Variants in ERI3 observed in about 807,000 individuals in gnomAD.
ERI3 encodes ERI1 exoribonuclease family member 3, also known as ERI1 exoribonuclease 3.
Under a neutral mutation model 44.4 loss-of-function variants are expected in ERI3, and 18 were observed. The observed-to-expected ratio is 0.41, with a 90% CI of 0.28 to 0.60. ERI3 has a LOEUF of 0.60. Ranked by LOEUF, ERI3 falls within the 20% of genes least tolerant of loss-of-function variation. The pLI is 0.36. For missense variants in ERI3, 294 were observed against 435.5 expected (o/e 0.68, Z 2.89); for synonymous variants, 183 against 164.8 (o/e 1.11, Z -0.84).
intron 2 of ERI3, among the ~76,000 whole-genome samples, chr1:44,342,834 T>TATATATATATATATATATATAA (rs1646694998): frequency 2.7e-4 from 6 of 22,242 alleles, no homozygotes; most frequent in Non-Finnish European, 4.8e-4. Context: ...TATATATATA[T>TATATATATATATATATATATAA]ATATATATAT....
At chr1:44,292,978 G>C (rs1031216261) in intron 6 of ERI3, among the ~76,000 whole-genome samples, 6 of 152,238 alleles carry the variant, frequency 3.9e-5, no homozygotes, top group Admixed American at 3.9e-4. Context: ...GCAGGAGCAC[G>C]AGAGCAAGGG....
At chr1:44,255,975 T>C (rs1572125092) in intron 7 of ERI3, among the ~76,000 whole-genome samples, 1 of 152,298 alleles carries the variant, frequency 6.6e-6, no homozygotes, top group East Asian at 1.9e-4. Flanking sequence ...CTTTATAGTC[T>C]TTCCTGGCTC....
chr1:44,268,686 G>A (rs1360727629), intron 7 of ERI3, among the ~76,000 whole-genome samples: 2 of 152,128 alleles, frequency 1.3e-5, no homozygotes, highest in Admixed American at 6.6e-5. Flanking sequence ...AGCCAGCACG[G>A]TCACATATGA....
At chr1:44,303,012 A>G (rs530187706) in intron 6 of ERI3, among the ~76,000 whole-genome samples, 1 of 152,380 alleles carries the variant, frequency 6.6e-6, no homozygotes, top group South Asian at 2.1e-4. Flanking sequence ...ATGTGTAAAC[A>G]GCACAATAGG....
intron 2 of ERI3, among the ~76,000 whole-genome samples, chr1:44,342,009 T>A (rs552822670): frequency 6.6e-6 from 1 of 152,226 alleles, no homozygotes; most frequent in South Asian, 2.1e-4. Context: ...CTTCCCTTAC[T>A]TCTAACAACC....
chr1:44,347,454 T>C (rs1646807452), intron 2 of ERI3, among the ~76,000 whole-genome samples: 1 of 152,162 alleles, frequency 6.6e-6, no homozygotes, highest in Non-Finnish European at 1.5e-5. Flanking sequence ...AGTACCCAAA[T>C]GTGACGTTTC....
intron 7 of ERI3, among the ~76,000 whole-genome samples, chr1:44,266,215 T>C (rs1293600342): frequency 6.6e-6 from 1 of 152,174 alleles, no homozygotes; most frequent in Non-Finnish European, 1.5e-5. Flanking sequence ...ACTGGGAAAC[T>C]GGAAAAGTCT....
At chr1:44,352,709 AC>A in intron 2 of ERI3, 140 bp downstream of exon 2, 4 of 853,136 alleles carry the variant, frequency 4.7e-6, no homozygotes, top group Non-Finnish European at 7.2e-6. Context: ...AGAAGAAGCT[AC>A]AAAAAAATAT....
Position 44,312,568 on chromosome 1 carries a change from T to C in ERI3, c.666+601A>G, listed in dbSNP as rs1171667473. On this transcript the variant is annotated intron_variant, in intron 5 of 8. Transcript: ENST00000372257. ...CTGCCAAGGGTTTTCAAGTCTTTAA[T>C]TTGATTTCCCTCACATAGGCAATTG... Among the ~76,000 whole-genome samples the C allele has an allele frequency of 3.9e-5, 6 of 152,226 alleles. No individual in the cohort carries two copies. The East Asian group carries it at 5.8e-4, about 15-fold the overall frequency.
At chr1:44,312,615 A>G (rs1645996955) in intron 5 of ERI3, among the ~76,000 whole-genome samples, 1 of 152,232 alleles carries the variant, frequency 6.6e-6, no homozygotes, top group Non-Finnish European at 1.5e-5. Context: ...CTGATTAGGA[A>G]TCATTACCCA....
rs1468291976 is a variant in ERI3 at position 44,313,248 on chromosome 1, G to A, written c.607-20C>T. On this transcript the variant is annotated intron_variant, in intron 4 of 8. Transcript: ENST00000372257. ...GGTGAGCTGAAAGGAAAGAGAAATA[G>A]CCGATGGGTAGAAAACCAGGGTGAA... 7 of 1,613,290 alleles carry A rather than the reference G, an allele frequency of 4.3e-6. No individual in the cohort carries two copies. Among genetic ancestry groups the A allele is most frequent in the Admixed American group, 1.7e-5 (1 of 59,998 alleles).
intron 2 of ERI3, among the ~76,000 whole-genome samples, chr1:44,345,864 G>T (rs924962072): frequency 2.0e-5 from 3 of 152,202 alleles, no homozygotes; most frequent in Non-Finnish European, 2.9e-5. Flanking sequence ...GGTTCACACT[G>T]CAAGAAATAG....
At chr1:44,285,972 G>T (rs1645386725) in intron 6 of ERI3, among the ~76,000 whole-genome samples, 1 of 152,178 alleles carries the variant, frequency 6.6e-6, no homozygotes, top group Admixed American at 6.5e-5. Context: ...GAAGCCAGTA[G>T]AGAGAAACAG....
At chr1:44,347,532 A>G (rs1046250284) in intron 2 of ERI3, among the ~76,000 whole-genome samples, 2 of 152,198 alleles carry the variant, frequency 1.3e-5, no homozygotes, top group Admixed American at 6.5e-5. Flanking sequence ...TTTTTGCCAG[A>G]CAAATTATGA....
chr1:44,331,301 A>T (rs563205505), intron 3 of ERI3, among the ~76,000 whole-genome samples: 44 of 144,202 alleles, frequency 3.1e-4, no homozygotes, highest in Admixed American at 2.4e-3. Flanking sequence ...CAAATTCCCA[A>T]TTTTTTTTTT....
intron 4 of ERI3, among the ~76,000 whole-genome samples, chr1:44,314,577 C>A (rs188920119): frequency 2.0e-5 from 3 of 152,316 alleles, no homozygotes. Context: ...CCTCCACACC[C>A]TTTCCTTGCC....
At chr1:44,223,848 G>A (rs899854926) in intron 8 of ERI3, among the ~76,000 whole-genome samples, 2 of 152,088 alleles carry the variant, frequency 1.3e-5, no homozygotes, top group Non-Finnish European at 1.5e-5. Flanking sequence ...CATCTAAATC[G>A]TGAGTTTCAG....
At chr1:44,354,163 T>C in intron 1 of ERI3, 1 of 985,462 alleles carries the variant, frequency 1.0e-6, no homozygotes, top group Non-Finnish European at 1.2e-6. Flanking sequence ...ATAGTTTGAA[T>C]AGCGTACACT....
intron 6 of ERI3, among the ~76,000 whole-genome samples, chr1:44,294,657 G>A (rs1645573909): frequency 1.3e-5 from 2 of 152,376 alleles, no homozygotes; most frequent in South Asian, 4.1e-4. Context: ...TTCCTAGATG[G>A]AATGGCAGAA....
Sources: allele counts gnomAD v4.1 joint callset (sites outside exome capture counted in the v4.1 genomes callset), GRCh38; gene constraint gnomAD v4.1.1; transcripts MANE v1.5; gene names NCBI Gene and HGNC (gene_info 2026-07-23, HGNC 2026-07-21).